MAP7: variants seen among roughly 807,000 people sequenced by gnomAD.
MAP7 encodes microtubule associated protein 7, also known as ensconsin.
MAP7 carries 52 observed loss-of-function variants against 94.8 expected under a neutral mutation model. The observed-to-expected ratio is 0.55, with a 90% CI of 0.44 to 0.69. The LOEUF (loss-of-function observed/expected upper bound fraction) is 0.69, where lower values mean the gene tolerates loss of function less well. MAP7 is among the 30% of genes least tolerant of loss of function. The pLI, the probability that MAP7 is intolerant of heterozygous loss-of-function variation, is 0.00. For synonymous variants in MAP7, 350 were observed against 357.0 expected, an observed-to-expected ratio of 0.98 and a Z score of 0.22; for missense variants, 940 against 964.6, an observed-to-expected ratio of 0.97 and a Z score of 0.34.
At chr6:136,397,934 A>G (rs1207354520) in intron 3 of MAP7, among the ~76,000 whole-genome samples, 2 of 152,200 alleles carry the variant, frequency 1.3e-5, no homozygotes, top group Non-Finnish European at 2.9e-5. Context: ...TGAAGTCACA[A>G]TTTATCCCTG....
chr6:136,361,166 C>CCT lies in MAP7; in HGVS notation c.1538_1539dup (p.Glu514ArgfsTer95). On this transcript the variant is annotated frameshift_variant, in exon 12 of 18. Coordinates refer to ENST00000354570, the MANE Select transcript of MAP7 (RefSeq NM_003980.6). LOFTEE classifies it high-confidence loss of function. ...TCTTCAGCCACACGTTGAGCCAATT[C>CCT]CTCTCTCTTTTGTCTGGAAAAAGAC... 1 of 1,603,316 alleles carries CCT rather than the reference C, an allele frequency of 6.2e-7. No individual in the cohort carries two copies. Among genetic ancestry groups the CCT allele is most frequent in the South Asian group, 1.1e-5 (1 of 91,080 alleles).
At chr6:136,472,722 A>G (rs1438632934) in intron 1 of MAP7, among the ~76,000 whole-genome samples, 1 of 152,154 alleles carries the variant, frequency 6.6e-6, no homozygotes, top group Non-Finnish European at 1.5e-5. Context: ...TAATTTGCAT[A>G]CAGCCTACTT....
chr6:136,366,131 T>C (rs1562318289), intron 9 of MAP7, 113 bp from the exon 10 acceptor site: 3 of 1,191,416 alleles, frequency 2.5e-6, no homozygotes, highest in Non-Finnish European at 3.5e-6. Flanking sequence ...CGTGTATTTG[T>C]TTTTTATGTG....
Position 136,525,737 on chromosome 6 carries a change from A to G in MAP7, c.67+24605T>C. The G allele has an allele frequency of 5.9e-6, 8 of 1,348,900 alleles. No individual in the cohort carries two copies. In the South Asian group the frequency reaches 9.0e-5, roughly 15 times the overall value. The allele number at this position is 1,348,900 out of a possible 1,614,324, so 83.6% of individuals were successfully genotyped here. On this transcript the variant is annotated intron_variant, in intron 1 of 17. Transcript: ENST00000354570. ...GGAGGTCACAAGCACTCCCTGGAGCATGCACGAGCAGCACAGTTTATAAAA... is the reference window on the plus strand; with the variant it reads ...GGAGGTCACAAGCACTCCCTGGAGCGTGCACGAGCAGCACAGTTTATAAAA...
At chr6:136,361,685 T>G (rs1460097337) in intron 11 of MAP7, among the ~76,000 whole-genome samples, 1 of 152,188 alleles carries the variant, frequency 6.6e-6, no homozygotes, top group African/African-American at 2.4e-5. Flanking sequence ...TTGTGTTCGT[T>G]TGAAGAACAA....
At chr6:136,358,589 C>T (rs1791636477) in intron 15 of MAP7, among the ~76,000 whole-genome samples, 1 of 152,124 alleles carries the variant, frequency 6.6e-6, no homozygotes, top group African/African-American at 2.4e-5. Flanking sequence ...TCCCAAAATA[C>T]CAATAATACT....
At chr6:136,477,151 C>T (rs78852665) in intron 1 of MAP7, among the ~76,000 whole-genome samples, 2,092 of 152,296 alleles carry the variant, frequency 0.014, 84 homozygotes, top group East Asian at 0.14. Flanking sequence ...CCACCTCAAA[C>T]ACGTGATGGA....
At chr6:136,477,994 T>C (rs983985167) in intron 1 of MAP7, among the ~76,000 whole-genome samples, 1 of 152,106 alleles carries the variant, frequency 6.6e-6, no homozygotes, top group Non-Finnish European at 1.5e-5. Context: ...TAGAAACCAA[T>C]AGCAAGAAGA....
At chr6:136,454,206 T>G (rs904527565) in intron 1 of MAP7, among the ~76,000 whole-genome samples, 1 of 152,174 alleles carries the variant, frequency 6.6e-6, no homozygotes, top group African/African-American at 2.4e-5. Flanking sequence ...TTGGACCTAT[T>G]AAACCCATCA....
intron 1 of MAP7, among the ~76,000 whole-genome samples, chr6:136,509,458 G>T (rs537595528): frequency 1.3e-5 from 2 of 152,102 alleles, no homozygotes; most frequent in East Asian, 3.9e-4. Flanking sequence ...TTGCTATGTT[G>T]CCCAGGCTGG....
Position 136,344,686 on chromosome 6 carries a change from G to A in MAP7, c.2240-448C>T, listed in dbSNP as rs186665093. 1.7e-4 allele frequency among the ~76,000 whole-genome samples: 26 copies of A among 152,266 alleles called. No individual in the cohort carries two copies. In the East Asian group the frequency reaches 4.8e-3, roughly 28 times the overall value. ...TGTTTCCATCAACATACCATTAGTC[G>A]GATTGTTCCCAAAGGCTTAAGAATC... On this transcript the variant is annotated intron_variant, in intron 17 of 17. Coordinates refer to ENST00000354570, the MANE Select transcript of MAP7 (RefSeq NM_003980.6).
At chr6:136,407,143 T>C (rs529639532) in intron 3 of MAP7, among the ~76,000 whole-genome samples, 1 of 152,342 alleles carries the variant, frequency 6.6e-6, no homozygotes, top group Non-Finnish European at 1.5e-5. Flanking sequence ...ATTGCTATTA[T>C]TTCACTGAAG....
At chr6:136,357,632 C>T (rs1448162390) in intron 15 of MAP7, among the ~76,000 whole-genome samples, 1 of 152,008 alleles carries the variant, frequency 6.6e-6, no homozygotes, top group Non-Finnish European at 1.5e-5. Context: ...GTAGCTGGAA[C>T]CACAAGTACA....
rs571322593 is a variant in MAP7 at position 136,514,880 on chromosome 6, A to G, written c.67+35462T>C. Among the ~76,000 whole-genome samples the G allele has an allele frequency of 2.8e-4, 43 of 152,310 alleles. 1 individual carries two copies. The South Asian group carries it at 3.5e-3, about 12-fold the overall frequency. ...TGAGCATTGGCTTCAACTCCAAGTC[A>G]ATGATTGCAATGACTCAGCTGCATT... On this transcript the variant is annotated intron_variant, in intron 1 of 17. Transcript: ENST00000354570.
At chr6:136,483,369 G>A (rs912427938) in intron 1 of MAP7, among the ~76,000 whole-genome samples, 2 of 151,860 alleles carry the variant, frequency 1.3e-5, no homozygotes, top group Non-Finnish European at 2.9e-5. Flanking sequence ...AGGGTGAAGG[G>A]CGGGAGGGGG....
At chr6:136,489,522 G>GCTTCTTTTTTTTTTTTTTTTTTTTT (rs1562456485) in intron 1 of MAP7, among the ~76,000 whole-genome samples, 1 of 124,322 alleles carries the variant, frequency 8.0e-6, no homozygotes. Context: ...GTAACATCAG[G>GCTTCTTTTTTTTTTTTTTTTTTTTT]TTTCTTTTTT....
chr6:136,505,382 G>GGA (rs759012780), intron 1 of MAP7, among the ~76,000 whole-genome samples: 1 of 147,350 alleles, frequency 6.8e-6, no homozygotes, highest in Non-Finnish European at 1.5e-5. Context: ...GGAGAGGAAG[G>GGA]GAGAGAGAGA....
chr6:136,417,754 A>C (rs1789970673), intron 2 of MAP7, among the ~76,000 whole-genome samples: 1 of 152,200 alleles, frequency 6.6e-6, no homozygotes, highest in South Asian at 2.1e-4. Context: ...GCACCATGGC[A>C]GCTACAGTCA....
chr6:136,483,327 A>T (rs1170895164), intron 1 of MAP7, among the ~76,000 whole-genome samples: 1 of 152,022 alleles, frequency 6.6e-6, no homozygotes, highest in Admixed American at 6.6e-5. Context: ...ATGGACACCA[A>T]GAAGGGAACA....
Sources: gnomAD v4.1 joint callset for allele counts (sites outside exome capture counted in the v4.1 genomes callset) on GRCh38, gnomAD v4.1.1 for gene constraint, MANE v1.5 for transcripts, NCBI Gene and HGNC (gene_info 2026-07-23, HGNC 2026-07-21) for gene names.